The following SLC35F1 variants were observed in gnomAD, a reference collection of about 807,000 sequenced individuals.
The protein encoded by SLC35F1 is solute carrier family 35 member F1.
In SLC35F1, 14 loss-of-function variants were observed where a neutral mutation model predicts 48.7. The ratio of observed to expected loss-of-function variants is 0.29; its 90% CI spans 0.19 to 0.45. The LOEUF (loss-of-function observed/expected upper bound fraction) is 0.45, where lower values mean the gene tolerates loss of function less well. Among genes scored for constraint, SLC35F1 ranks in the 20% least tolerant of loss-of-function variants. SLC35F1 has a pLI of 1.00. For missense variants in SLC35F1, 404 were observed against 500.0 expected, an observed-to-expected ratio of 0.81 and a Z score of 1.83; for synonymous variants, 190 against 202.2, an observed-to-expected ratio of 0.94 and a Z score of 0.51.
chr6:118,298,558 G>C (rs1277665035), intron 7 of SLC35F1, among the ~76,000 whole-genome samples: 1 of 152,040 alleles, frequency 6.6e-6, no homozygotes, highest in Non-Finnish European at 1.5e-5. Flanking sequence ...TTCTATTCCT[G>C]ACAATAGTTT....
chr6:117,985,605 G>A (rs1776837319), intron 1 of SLC35F1, among the ~76,000 whole-genome samples: 1 of 27,554 alleles, frequency 3.6e-5, no homozygotes. Flanking sequence ...CTGTAGTTGA[G>A]TGGCATAACT....
chr6:117,989,056 C>T (rs1776883816), intron 1 of SLC35F1, among the ~76,000 whole-genome samples: 2 of 152,098 alleles, frequency 1.3e-5, no homozygotes, highest in African/African-American at 4.8e-5. Context: ...TGGTAGTACC[C>T]AGGGAGCTGA....
chr6:118,062,611 A>T (rs1242457791), intron 1 of SLC35F1, among the ~76,000 whole-genome samples: 1 of 152,196 alleles, frequency 6.6e-6, no homozygotes, highest in Non-Finnish European at 1.5e-5. Flanking sequence ...ACAGTCTTTA[A>T]ATCCTTTTTG....
At chr6:118,234,936 T>C (rs1331623049) in intron 2 of SLC35F1, among the ~76,000 whole-genome samples, 3 of 152,200 alleles carry the variant, frequency 2.0e-5, no homozygotes, top group Admixed American at 2.0e-4. Context: ...TTAAAAGTGT[T>C]GTCAAATGGC....
At chr6:118,046,403 A>G (rs1772300915) in intron 1 of SLC35F1, among the ~76,000 whole-genome samples, 1 of 152,200 alleles carries the variant, frequency 6.6e-6, no homozygotes, top group South Asian at 2.1e-4. Context: ...GATGAATTAG[A>G]TAATGCTTCA....
At chr6:118,213,436 C>T (rs940557638) in intron 2 of SLC35F1, among the ~76,000 whole-genome samples, 1 of 152,134 alleles carries the variant, frequency 6.6e-6, no homozygotes, top group African/African-American at 2.4e-5. Flanking sequence ...TGGGGAGTTA[C>T]TTGGTTCAAC....
chr6:118,300,191 C>G (rs1776240112), intron 7 of SLC35F1, among the ~76,000 whole-genome samples: 3 of 151,988 alleles, frequency 2.0e-5, no homozygotes, highest in Non-Finnish European at 4.4e-5. Flanking sequence ...TCATTATTCC[C>G]TAAAGAATAC....
At chr6:118,218,679 G>A (rs1352196544) in intron 2 of SLC35F1, among the ~76,000 whole-genome samples, 3 of 152,104 alleles carry the variant, frequency 2.0e-5, no homozygotes, top group Non-Finnish European at 4.4e-5. Flanking sequence ...AGACAAATGG[G>A]ACGTCATATT....
At chr6:118,153,386 C>T (rs548079252) in intron 1 of SLC35F1, among the ~76,000 whole-genome samples, 7 of 152,222 alleles carry the variant, frequency 4.6e-5, no homozygotes, top group African/African-American at 1.4e-4. Flanking sequence ...GAACATGTAT[C>T]GAAACATGAG....
chr6:118,177,028 T>C (rs1426622211), intron 2 of SLC35F1, among the ~76,000 whole-genome samples: 1 of 152,140 alleles, frequency 6.6e-6, no homozygotes. Flanking sequence ...AAAAGTTATT[T>C]GCCTGATACC....
chr6:118,197,591 T>C (rs205926), intron 2 of SLC35F1, among the ~76,000 whole-genome samples: 16,573 of 152,178 alleles, frequency 0.11, 1,371 homozygotes, highest in African/African-American at 0.23. Context: ...AACTCTGAGC[T>C]TACGAAAATT....
At chr6:118,119,510 G>A (rs1219382118) in intron 1 of SLC35F1, among the ~76,000 whole-genome samples, 1 of 56,336 alleles carries the variant, frequency 1.8e-5, no homozygotes, top group Non-Finnish European at 3.8e-5. Context: ...CCTCCACCCC[G>A]CTTTTTTTTT....
At chr6:118,064,260 A>G (rs530826810) in intron 1 of SLC35F1, among the ~76,000 whole-genome samples, 3 of 152,358 alleles carry the variant, frequency 2.0e-5, no homozygotes, top group East Asian at 1.9e-4. Context: ...GGTCCCTCCC[A>G]CAACACATGG....
chr6:118,268,832 A>T (rs9387570), intron 4 of SLC35F1, among the ~76,000 whole-genome samples: 4,582 of 151,340 alleles, frequency 0.03, 110 homozygotes, highest in African/African-American at 0.066. Context: ...CTAGTCTTGA[A>T]CTCCTGACCT....
chr6:118,007,598 C>T (rs1402517163), intron 1 of SLC35F1, among the ~76,000 whole-genome samples: 1 of 152,158 alleles, frequency 6.6e-6, no homozygotes, highest in African/African-American at 2.4e-5. Flanking sequence ...CTTATCAATC[C>T]ACTCATTCAT....
intron 3 of SLC35F1, among the ~76,000 whole-genome samples, chr6:118,246,595 C>A (rs1775510327): frequency 6.6e-6 from 1 of 152,028 alleles, no homozygotes; most frequent in Non-Finnish European, 1.5e-5. Context: ...ATAAAGCAGG[C>A]CGCTTGGTTC....
At chr6:118,024,530 A>G (rs1777438527) in intron 1 of SLC35F1, among the ~76,000 whole-genome samples, 1 of 152,152 alleles carries the variant, frequency 6.6e-6, no homozygotes, top group South Asian at 2.1e-4. Context: ...TGGAAGAGAG[A>G]AGAATTTAAG....
intron 1 of SLC35F1, among the ~76,000 whole-genome samples, chr6:117,923,662 T>TATGTACATATACAC (rs1562238678): frequency 9.5e-5 from 6 of 63,428 alleles, no homozygotes; most frequent in African/African-American, 4.8e-4. Context: ...TACATATGTA[T>TATGTACATATACAC]ATATACATAT....
chr6:118,046,955 T>G (rs1380587117), intron 1 of SLC35F1, among the ~76,000 whole-genome samples: 1 of 12,218 alleles, frequency 8.2e-5, no homozygotes, highest in Non-Finnish European at 1.7e-4. Context: ...GATAGATTTT[T>G]GAGATATAAA....
Sources: allele counts gnomAD v4.1 joint callset (sites outside exome capture counted in the v4.1 genomes callset), GRCh38; gene constraint gnomAD v4.1.1; transcripts MANE v1.5; gene names NCBI Gene and HGNC (gene_info 2026-07-23, HGNC 2026-07-21).